MTSS1: variants seen among roughly 807,000 people sequenced by gnomAD.
MTSS1 encodes the protein MTSS I-BAR domain containing 1.
MTSS1 carries 18 observed loss-of-function variants against 79.0 expected under a neutral mutation model. That is an observed-to-expected ratio of 0.23 (90% CI 0.16 to 0.34). The LOEUF (loss-of-function observed/expected upper bound fraction) is 0.34. Among genes scored for constraint, MTSS1 ranks in the 10% least tolerant of loss-of-function variants. The pLI is 1.00. For missense variants in MTSS1, 815 were observed against 986.2 expected (o/e 0.83, Z 2.33); for synonymous variants, 341 against 368.6 (o/e 0.93, Z 0.86).
intron 3 of MTSS1, among the ~76,000 whole-genome samples, chr8:124,627,107 A>G (rs75660599): frequency 6.6e-5 from 10 of 151,834 alleles, no homozygotes; most frequent in African/African-American, 2.4e-4. Flanking sequence ...CAAGGCTGCC[A>G]CCAGGGTCTC....
Position 124,611,491 on chromosome 8 carries a change from G to A in MTSS1, c.209-20256C>T, listed in dbSNP as rs187116381. ...ACAGTGAGGTTCCACCAAGACAGGT[G>A]CCTGGGATACTCTCCTACAGGCCTA... On this transcript the variant is annotated intron_variant, in intron 3 of 13. Coordinates refer to ENST00000518547, the MANE Select transcript of MTSS1 (RefSeq NM_014751.6). 3.1e-3 allele frequency among the ~76,000 whole-genome samples: 478 copies of A among 152,154 alleles called. 1 individual carries two copies. The highest frequency in any genetic ancestry group is 5.4e-3 in the Non-Finnish European group (367 of 68,018).
intron 3 of MTSS1, among the ~76,000 whole-genome samples, chr8:124,608,978 G>A (rs748521523): frequency 3.1e-4 from 47 of 152,312 alleles, no homozygotes; most frequent in Middle Eastern, 6.8e-3. Context: ...GATCCAGAAG[G>A]TCTAGAGATT....
rs369316425 is a variant in MTSS1 at position 124,718,977 on chromosome 8, T to G, written c.72+8907A>C. ...AAACTCAGAGGTGAGTCTAGATTTTTGTGTGTTCTTATCTGTCTCATCCTG... is the reference window on the plus strand; with the variant it reads ...AAACTCAGAGGTGAGTCTAGATTTTGGTGTGTTCTTATCTGTCTCATCCTG... On this transcript the variant is annotated intron_variant, in intron 1 of 13. Coordinates refer to ENST00000518547, the MANE Select transcript of MTSS1 (RefSeq NM_014751.6). Among the ~76,000 whole-genome samples the G allele has an allele frequency of 7.2e-5, 11 of 152,306 alleles. No homozygotes were observed. The South Asian group carries it at 2.1e-3, about 29-fold the overall frequency.
chr8:124,580,674 T>C (rs957253149), intron 6 of MTSS1: 2 of 1,304,572 alleles, frequency 1.5e-6, no homozygotes, highest in African/African-American at 2.9e-5. Context: ...TTGTTTCATG[T>C]GTTAAACAGT....
chr8:124,650,287 C>T (rs1405626593), intron 3 of MTSS1, among the ~76,000 whole-genome samples: 1 of 152,144 alleles, frequency 6.6e-6, no homozygotes, highest in East Asian at 1.9e-4. Flanking sequence ...CCTCGGCCTC[C>T]CAAAGTGCTG....
chr8:124,600,811 A>G (rs1833656900), intron 3 of MTSS1, among the ~76,000 whole-genome samples: 1 of 152,232 alleles, frequency 6.6e-6, no homozygotes, highest in Non-Finnish European at 1.5e-5. Flanking sequence ...CAAACATCTC[A>G]GAAGACCAAA....
intron 3 of MTSS1, among the ~76,000 whole-genome samples, chr8:124,602,207 A>ATACACACACACATATATATATAT: frequency 4.2e-5 from 6 of 142,220 alleles, no homozygotes; most frequent in South Asian, 2.2e-4. Context: ...ATATATATAT[A>ATACACACACACATATATATATAT]ATTTTTTTTT....
chr8:124,635,830 C>T (rs1816875839), intron 3 of MTSS1, among the ~76,000 whole-genome samples: 1 of 151,968 alleles, frequency 6.6e-6, no homozygotes, highest in South Asian at 2.1e-4. Context: ...TATTGGATTG[C>T]TCTCATGCCT....
intron 6 of MTSS1, among the ~76,000 whole-genome samples, chr8:124,570,184 C>T (rs1016566955): frequency 2.6e-5 from 4 of 152,186 alleles, no homozygotes; most frequent in African/African-American, 7.2e-5. Flanking sequence ...GGAATAAGTT[C>T]TAAGTTAGCA....
At chr8:124,626,600 T>A (rs2133697388) in intron 3 of MTSS1, among the ~76,000 whole-genome samples, 1 of 152,186 alleles carries the variant, frequency 6.6e-6, no homozygotes, top group Non-Finnish European at 1.5e-5. Context: ...GAGTGTGGGA[T>A]GAGGATCTAG....
intron 7 of MTSS1, chr8:124,568,158 G>T: frequency 1.5e-6 from 1 of 685,382 alleles, no homozygotes; most frequent in Non-Finnish European, 2.3e-6. Flanking sequence ...TTCTTGACTT[G>T]GTGAGACAAA....
intron 2 of MTSS1, among the ~76,000 whole-genome samples, chr8:124,701,826 G>A (rs984297630): frequency 4.6e-5 from 7 of 152,238 alleles, no homozygotes; most frequent in Non-Finnish European, 7.3e-5. Flanking sequence ...ACACAGAGGA[G>A]TGATTCAGCT....
intron 3 of MTSS1, among the ~76,000 whole-genome samples, chr8:124,657,493 A>G (rs1192794525): frequency 6.7e-6 from 1 of 149,406 alleles, no homozygotes; most frequent in Non-Finnish European, 1.5e-5. Context: ...AAAAAAAAAG[A>G]AGAGGACACA....
At position 124,565,839 on chromosome 8, in the gene MTSS1, C is replaced by T. The variant is rs1826297443; in HGVS notation, c.727-80G>A. On this transcript the variant is annotated intron_variant, in intron 8 of 13. Coordinates refer to ENST00000518547, the MANE Select transcript of MTSS1 (RefSeq NM_014751.6). ...CATCAAAGCTTAACATCCACCAAAG[C>T]ATCAAAACGCTGCCATCGTGGGGGT... is the stretch of plus-strand genomic sequence containing the variant. 3 of 1,182,564 alleles carry T rather than the reference C, an allele frequency of 2.5e-6. No individual in the cohort carries two copies. In the Admixed American group the frequency reaches 6.6e-5, roughly 26 times the overall value. 73.3% of individuals were successfully genotyped at this position (1,182,564 alleles called of 1,614,324 possible).
intron 3 of MTSS1, among the ~76,000 whole-genome samples, chr8:124,670,851 G>A (rs1824035469): frequency 6.6e-6 from 1 of 152,210 alleles, no homozygotes; most frequent in East Asian, 1.9e-4. Flanking sequence ...TCCTCCCTCT[G>A]AGGACATCAA....
At chr8:124,629,505 CAAAA>C (rs982816199) in intron 3 of MTSS1, among the ~76,000 whole-genome samples, 13 of 62,214 alleles carry the variant, frequency 2.1e-4, no homozygotes, top group African/African-American at 6.2e-4. Context: ...GACTCCGTCT[CAAAA>C]AAAAAAAAAA....
At chr8:124,671,057 T>C in intron 3 of MTSS1, among the ~76,000 whole-genome samples, 1 of 151,980 alleles carries the variant, frequency 6.6e-6, no homozygotes, top group Non-Finnish European at 1.5e-5. Context: ...TTTTCTTTTT[T>C]TCCTGAAAAG....
intron 10 of MTSS1, among the ~76,000 whole-genome samples, chr8:124,559,781 C>A (rs1344904033): frequency 1.3e-5 from 2 of 152,208 alleles, no homozygotes; most frequent in Non-Finnish European, 2.9e-5. Context: ...GTCTCCTGGG[C>A]ACTGCTTTGC....
In MTSS1 at chr8:124,580,485, C is replaced by G. The variant is rs935374077; in HGVS notation, c.460+4602G>C. 46 of 1,522,912 alleles carry G rather than the reference C, an allele frequency of 3.0e-5. No homozygotes were observed. The African/African-American group carries it at 5.6e-4, about 19-fold the overall frequency. 94.3% of individuals were successfully genotyped at this position (1,522,912 alleles called of 1,614,324 possible). On this transcript the variant is annotated intron_variant, in intron 6 of 13. Coordinates refer to ENST00000518547, the MANE Select transcript of MTSS1 (RefSeq NM_014751.6). ...GGCAGCTAGCAGAGGTCTGGACAAC[C>G]ACGGAAAGCCCACAGCAAGGACCAC...
Sources: allele counts gnomAD v4.1 joint callset (sites outside exome capture counted in the v4.1 genomes callset), GRCh38; gene constraint gnomAD v4.1.1; transcripts MANE v1.5; gene names NCBI Gene and HGNC (gene_info 2026-07-23, HGNC 2026-07-21).